The following PTPRR variants were observed in gnomAD, a reference collection of about 807,000 sequenced individuals.
PTPRR encodes receptor-type tyrosine-protein phosphatase R.
PTPRR carries 38 observed loss-of-function variants against 77.2 expected under a neutral mutation model. The ratio of observed to expected loss-of-function variants is 0.49; its 90% confidence interval spans 0.38 to 0.65. The LOEUF is 0.65. Ranked by LOEUF, PTPRR falls within the 30% of genes least tolerant of loss-of-function variation. The pLI, the probability that PTPRR is intolerant of heterozygous loss-of-function variation, is 0.00. For synonymous variants in PTPRR, 299 were observed against 283.1 expected, an observed-to-expected ratio of 1.06 and a Z score of -0.57; for missense variants, 744 against 799.2, an observed-to-expected ratio of 0.93 and a Z score of 0.83.
chr12:70,645,760 C>T (rs1213663833), intron 13 of PTPRR, among the ~76,000 whole-genome samples: 2 of 152,022 alleles, frequency 1.3e-5, no homozygotes, highest in African/African-American at 2.4e-5. Context: ...AGATCAGTGT[C>T]GTCTCAGTCT....
Position 70,638,982 on chromosome 12 carries a change from T to G in PTPRR, c.*202A>C, listed in dbSNP as rs1404408802. Reference sequence around the variant, plus strand: ...ATCATCAAAAAACCTTCAGAATAATTTGGGGGATGCTTACAAATGCATTCA... The same window carrying G: ...ATCATCAAAAAACCTTCAGAATAATGTGGGGGATGCTTACAAATGCATTCA... On this transcript the variant is annotated 3_prime_UTR_variant, in exon 14 of 14. Coordinates refer to ENST00000283228, the MANE Select transcript of PTPRR (RefSeq NM_002849.4). 1.8e-6 allele frequency: 1 copy of G among 568,822 alleles called. No individual in the cohort carries two copies. Among genetic ancestry groups the G allele is most frequent in the Non-Finnish European group, 3.1e-6 (1 of 319,280 alleles). 35.2% of individuals were successfully genotyped at this position (568,822 alleles called of 1,614,324 possible).
At chr12:70,919,770 C>T (rs1346686043) in intron 1 of PTPRR, among the ~76,000 whole-genome samples, 3 of 140,420 alleles carry the variant, frequency 2.1e-5, no homozygotes, top group African/African-American at 7.7e-5. Flanking sequence ...GAAACCTTTT[C>T]TTCCTCTTAT....
chr12:70,660,066 A>G (rs967353870), intron 12 of PTPRR, among the ~76,000 whole-genome samples: 14 of 151,942 alleles, frequency 9.2e-5, no homozygotes, highest in Admixed American at 7.9e-4. Context: ...AATTCCAGCT[A>G]CTTTGGAGGC....
intron 2 of PTPRR, among the ~76,000 whole-genome samples, chr12:70,868,695 C>T (rs1892904560): frequency 6.6e-6 from 1 of 151,838 alleles, no homozygotes; most frequent in South Asian, 2.1e-4. Flanking sequence ...GGGTATATAC[C>T]CAAAGGATTA....
At chr12:70,734,896 C>T (rs1013120790) in intron 6 of PTPRR, among the ~76,000 whole-genome samples, 2 of 152,170 alleles carry the variant, frequency 1.3e-5, no homozygotes, top group Non-Finnish European at 2.9e-5. Flanking sequence ...GTTTTACTCA[C>T]CCTGGGTTGT....
chr12:70,675,350 C>T (rs1427815050), intron 10 of PTPRR, among the ~76,000 whole-genome samples: 1 of 151,670 alleles, frequency 6.6e-6, no homozygotes, highest in Non-Finnish European at 1.5e-5. Context: ...CCTGATTTTT[C>T]TATATTACCT....
chr12:70,799,558 AT>A (rs796993323), intron 2 of PTPRR, among the ~76,000 whole-genome samples: 24 of 151,596 alleles, frequency 1.6e-4, no homozygotes, highest in Admixed American at 2.6e-4. Context: ...TACAGCACTG[AT>A]TTTTTTTTAC....
intron 11 of PTPRR, 22 bp downstream of exon 11, chr12:70,662,473 G>A (rs1355114373): frequency 6.4e-6 from 9 of 1,397,358 alleles, no homozygotes; most frequent in Non-Finnish European, 9.0e-6. Flanking sequence ...CTTTGTAGAT[G>A]GCTATAGCTA....
chr12:70,897,338 G>A (rs978205927), intron 1 of PTPRR, among the ~76,000 whole-genome samples: 42 of 151,928 alleles, frequency 2.8e-4, no homozygotes, highest in Non-Finnish European at 5.7e-4. Flanking sequence ...TCAAAAAGGA[G>A]GCAAAGGATA....
chr12:70,908,555 T>C (rs116963204), intron 1 of PTPRR, among the ~76,000 whole-genome samples: 3,587 of 152,134 alleles, frequency 0.024, 58 homozygotes, highest in Non-Finnish European at 0.036. Flanking sequence ...AAGAACAGGA[T>C]AGAGGAAGCC....
Position 70,656,928 on chromosome 12 carries a change from A to G in PTPRR, c.1767-111T>C. ...GAAACCACAGTTAAAAGTAGTATTC[A>G]CATATTGAGTATTATAAACCTGGCC... On this transcript the variant is annotated intron_variant, in intron 12 of 13. Coordinates refer to ENST00000283228, the MANE Select transcript of PTPRR (RefSeq NM_002849.4). 3 of 699,230 alleles carry G rather than the reference A, an allele frequency of 4.3e-6. 1 individual carries two copies. The South Asian group carries it at 5.2e-5, about 12-fold the overall frequency. 43.3% of individuals were successfully genotyped at this position (699,230 alleles called of 1,614,324 possible).
At chr12:70,797,153 T>C (rs974509037) in intron 2 of PTPRR, among the ~76,000 whole-genome samples, 4 of 152,344 alleles carry the variant, frequency 2.6e-5, no homozygotes, top group South Asian at 2.1e-4. Context: ...TTGTTTTGTT[T>C]CCCTGGCTTG....
chr12:70,763,847 T>G (rs961358671), intron 3 of PTPRR, among the ~76,000 whole-genome samples: 1 of 152,200 alleles, frequency 6.6e-6, no homozygotes, highest in Non-Finnish European at 1.5e-5. Context: ...AATTTACTTT[T>G]TTTTTGGCCT....
At chr12:70,663,904 TTAAA>T (rs1442857876) in intron 10 of PTPRR, among the ~76,000 whole-genome samples, 1 of 152,158 alleles carries the variant, frequency 6.6e-6, no homozygotes, top group Non-Finnish European at 1.5e-5. Context: ...TGATAAAAAT[TTAAA>T]TACTTATAGA....
intron 4 of PTPRR, 98 bp from the exon 5 acceptor site, chr12:70,754,399 A>G: frequency 6.3e-7 from 1 of 1,576,604 alleles, no homozygotes; most frequent in Non-Finnish European, 8.6e-7. Context: ...TATTCCATTC[A>G]GTGTAGTGCA....
At chr12:70,773,905 G>A (rs1431211975) in intron 2 of PTPRR, among the ~76,000 whole-genome samples, 1 of 152,160 alleles carries the variant, frequency 6.6e-6, no homozygotes, top group African/African-American at 2.4e-5. Context: ...AACCTTAAAG[G>A]ACAAGTAGGA....
At chr12:70,711,360 G>C (rs192324268) in intron 6 of PTPRR, among the ~76,000 whole-genome samples, 1 of 152,098 alleles carries the variant, frequency 6.6e-6, no homozygotes. Flanking sequence ...TGGATATGTA[G>C]AGGGGAAAAA....
intron 13 of PTPRR, among the ~76,000 whole-genome samples, chr12:70,646,970 C>G (rs949306998): frequency 2.6e-5 from 4 of 151,808 alleles, no homozygotes; most frequent in Non-Finnish European, 5.9e-5. Context: ...AGAAAATCAT[C>G]GAACTGAAGT....
rs555330903 is a variant in PTPRR, at chr12:70,874,402, CA to C, written c.357+18276del. ...CACAAAGCTAACAGACTGCACGATG[CA>C]GTAAAGAATGATGAATGATCTGGAG... On this transcript the variant is annotated intron_variant, in intron 2 of 13. Coordinates refer to ENST00000283228, the MANE Select transcript of PTPRR (RefSeq NM_002849.4). Among the ~76,000 whole-genome samples, 404 of 152,152 alleles carry C rather than the reference CA, an allele frequency of 2.7e-3. 2 individuals are homozygous for C. Among genetic ancestry groups the C allele is most frequent in the Admixed American group, 6.1e-3 (93 of 15,270 alleles).
Sources: gnomAD v4.1 joint callset for allele counts (sites outside exome capture counted in the v4.1 genomes callset) on GRCh38, gnomAD v4.1.1 for gene constraint, MANE v1.5 for transcripts, NCBI Gene and HGNC (gene_info 2026-07-23, HGNC 2026-07-21) for gene names.